Variants in MECOM observed in about 807,000 individuals in gnomAD.
MECOM encodes the protein MDS1 and EVI1 complex locus.
MECOM carries 13 observed loss-of-function variants against 116.3 expected under a neutral mutation model. The ratio of observed to expected loss-of-function variants is 0.11; its 90% CI spans 0.07 to 0.18. The LOEUF (loss-of-function observed/expected upper bound fraction) is 0.18. Ranked by LOEUF, MECOM falls within the 10% of genes least tolerant of loss-of-function variation. The pLI is 1.00. For synonymous variants in MECOM, 528 were observed against 535.2 expected, an observed-to-expected ratio of 0.99 and a Z score of 0.19; for missense variants, 1,299 against 1,509.0, an observed-to-expected ratio of 0.86 and a Z score of 2.31.
At chr3:169,645,023 C>T (rs773641295) in intron 1 of MECOM, among the ~76,000 whole-genome samples, 74 of 152,180 alleles carry the variant, frequency 4.9e-4, no homozygotes, top group Non-Finnish European at 8.7e-4. Context: ...TTTCTGTGTC[C>T]GTCCCACTGA....
At chr3:169,586,423 A>G (rs1002328432) in intron 1 of MECOM, among the ~76,000 whole-genome samples, 1 of 152,236 alleles carries the variant, frequency 6.6e-6, no homozygotes, top group Non-Finnish European at 1.5e-5. Flanking sequence ...TAATATAAAT[A>G]ACAATACTAT....
At chr3:169,422,157 T>A (rs1430968340) in intron 1 of MECOM, among the ~76,000 whole-genome samples, 1 of 152,168 alleles carries the variant, frequency 6.6e-6, no homozygotes, top group Non-Finnish European at 1.5e-5. Flanking sequence ...CTCAATTATA[T>A]GTTTGAAAGT....
intron 1 of MECOM, among the ~76,000 whole-genome samples, chr3:169,507,821 C>T (rs1250512410): frequency 2.2e-5 from 3 of 134,814 alleles, no homozygotes; most frequent in Non-Finnish European, 4.8e-5. Context: ...CCACCACGCC[C>T]GGCTAATTTT....
chr3:169,318,420 A>G (rs917799043), intron 2 of MECOM, among the ~76,000 whole-genome samples: 11 of 152,212 alleles, frequency 7.2e-5, no homozygotes, highest in Non-Finnish European at 1.5e-4. Flanking sequence ...TAAATTTACA[A>G]GAAAAAAACA....
chr3:169,389,418 G>A (rs558635484), intron 1 of MECOM: 33 of 293,126 alleles, frequency 1.1e-4, no homozygotes, highest in Middle Eastern at 1.6e-3. Context: ...AGGAGCCACC[G>A]TCACCAATAT....
At chr3:169,324,473 T>C (rs2149759362) in intron 2 of MECOM, among the ~76,000 whole-genome samples, 1 of 152,384 alleles carries the variant, frequency 6.6e-6, no homozygotes, top group South Asian at 2.1e-4. Context: ...TTTACAGGTC[T>C]TGAAATATTT....
chr3:169,398,925 C>T (rs1473494053), intron 1 of MECOM, among the ~76,000 whole-genome samples: 1 of 152,102 alleles, frequency 6.6e-6, no homozygotes, highest in Non-Finnish European at 1.5e-5. Flanking sequence ...ACATTGAAAC[C>T]CTTTCAGATC....
chr3:169,092,941 G>C lies in MECOM; in HGVS notation c.3164+17C>G. On this transcript the variant is annotated intron_variant, in intron 14 of 16. Transcript: ENST00000651503. ...TTTCAGTCGTCACAGAGTTTAAAAA[G>C]TAAAAGACAGCTTTACCTCTCCTCC... is the stretch of plus-strand genomic sequence containing the variant. 6.2e-7 allele frequency: 1 copy of C among 1,611,114 alleles called. No homozygotes were observed. The highest frequency in any genetic ancestry group is 8.5e-7 in the Non-Finnish European group (1 of 1,179,560).
chr3:169,115,823 G>A lies in MECOM; in HGVS notation c.2049C>T (p.Asp683=), dbSNP rs1404790382. 6.2e-7 allele frequency: 1 copy of A among 1,613,982 alleles called. No individual in the cohort carries two copies. Among genetic ancestry groups the A allele is most frequent in the Non-Finnish European group, 8.5e-7 (1 of 1,179,976 alleles). Residue 683 remains aspartate (D), a synonymous_variant, in exon 8 of 17, where the codon GAC becomes GAT. Transcript: ENST00000651503. ...FGSTGLVGLQ[D]KKVGALPYPS... Reference sequence around the variant, plus strand: ...GGTAAGGTAAAGCTCCAACTTTTTTGTCTTGCAGCCCCACCAGTCCTGTTG... The same window carrying A: ...GGTAAGGTAAAGCTCCAACTTTTTTATCTTGCAGCCCCACCAGTCCTGTTG...
intron 2 of MECOM, among the ~76,000 whole-genome samples, chr3:169,157,093 G>A (rs538559178): frequency 1.1e-4 from 16 of 152,236 alleles, no homozygotes; most frequent in East Asian, 9.6e-4. Flanking sequence ...CGACCACACA[G>A]TCTTCTCTGC....
chr3:169,253,644 C>T (rs1211325806), intron 2 of MECOM, among the ~76,000 whole-genome samples: 1 of 151,954 alleles, frequency 6.6e-6, no homozygotes, highest in Admixed American at 6.6e-5. Context: ...TCTATATATA[C>T]TTCATATGAT....
intron 2 of MECOM, among the ~76,000 whole-genome samples, chr3:169,203,194 G>A (rs1749426908): frequency 6.6e-6 from 1 of 152,140 alleles, no homozygotes; most frequent in Non-Finnish European, 1.5e-5. Flanking sequence ...CACCTCGACA[G>A]GAAGCAACAT....
At chr3:169,621,146 T>C (rs1444933796) in intron 1 of MECOM, among the ~76,000 whole-genome samples, 2 of 152,208 alleles carry the variant, frequency 1.3e-5, no homozygotes, top group Non-Finnish European at 2.9e-5. Flanking sequence ...CAGATAAAAA[T>C]TGTCTGGTAT....
chr3:169,369,124 G>T (rs1349136787), intron 2 of MECOM, among the ~76,000 whole-genome samples: 1 of 151,944 alleles, frequency 6.6e-6, no homozygotes, highest in Non-Finnish European at 1.5e-5. Flanking sequence ...TGCCCAAACA[G>T]CAGTAAGAGT....
intron 1 of MECOM, among the ~76,000 whole-genome samples, chr3:169,394,670 A>G (rs539787519): frequency 6.6e-6 from 1 of 152,282 alleles, no homozygotes; most frequent in African/African-American, 2.4e-5. Flanking sequence ...GGTGGTCCAC[A>G]TCTCTGGTAC....
intron 2 of MECOM, among the ~76,000 whole-genome samples, chr3:169,261,747 AG>A (rs1757578656): frequency 6.8e-6 from 1 of 146,032 alleles, no homozygotes. Context: ...GAAGGAGAAA[AG>A]AAGAAGAAGA....
At chr3:169,101,239 T>C (rs528477494) in intron 11 of MECOM, among the ~76,000 whole-genome samples, 4 of 152,378 alleles carry the variant, frequency 2.6e-5, no homozygotes, top group East Asian at 3.8e-4. Flanking sequence ...TATACATCTC[T>C]CTTATTAACT....
At chr3:169,368,030 A>C (rs929498773) in intron 2 of MECOM, among the ~76,000 whole-genome samples, 2 of 152,036 alleles carry the variant, frequency 1.3e-5, no homozygotes, top group African/African-American at 4.8e-5. Flanking sequence ...CTTTATGAAC[A>C]TCTTATATCG....
Position 169,488,959 on chromosome 3 carries a change from C to A in MECOM, c.38-107435G>T, listed in dbSNP as rs181943101. On this transcript the variant is annotated intron_variant, in intron 1 of 16. Transcript: ENST00000651503. Reference sequence around the variant, plus strand: ...AAGTTTTTAAAAGAAAAGTAAAATACCTTTTAAACTAATAAAACAGATGAA... The same window carrying A: ...AAGTTTTTAAAAGAAAAGTAAAATAACTTTTAAACTAATAAAACAGATGAA... 2.4e-3 allele frequency among the ~76,000 whole-genome samples: 370 copies of A among 151,410 alleles called. 4 individuals carry two copies. The highest frequency in any genetic ancestry group is 8.7e-3 in the African/African-American group (359 of 41,364).
Sources: gnomAD v4.1 joint callset for allele counts (sites outside exome capture counted in the v4.1 genomes callset) on GRCh38, gnomAD v4.1.1 for gene constraint, MANE v1.5 for transcripts, NCBI Gene and HGNC (gene_info 2026-07-23, HGNC 2026-07-21) for gene names.